The following PALM2AKAP2 variants were observed in gnomAD, a reference collection of about 807,000 sequenced individuals.
The protein encoded by PALM2AKAP2 is PALM2 and AKAP2 fusion.
In PALM2AKAP2, 37 loss-of-function variants were observed where a neutral mutation model predicts 71.5. That is an observed-to-expected ratio of 0.52 (90% confidence interval 0.40 to 0.68). The LOEUF is 0.68. Among genes scored for constraint, PALM2AKAP2 ranks in the 30% least tolerant of loss-of-function variants. The pLI is 0.00. For missense variants in PALM2AKAP2, 1,224 were observed against 1,191.8 expected (o/e 1.03, Z -0.40); for synonymous variants, 468 against 478.8 (o/e 0.98, Z 0.29).
At chr9:109,694,162 C>G (rs1827935850) in intron 1 of PALM2AKAP2, among the ~76,000 whole-genome samples, 1 of 152,070 alleles carries the variant, frequency 6.6e-6, no homozygotes, top group Middle Eastern at 3.4e-3. Flanking sequence ...GAACTTTTCT[C>G]AAAACATCAA....
intron 1 of PALM2AKAP2, among the ~76,000 whole-genome samples, chr9:109,800,914 C>T (rs561403858): frequency 1.3e-5 from 2 of 152,208 alleles, no homozygotes; most frequent in Non-Finnish European, 2.9e-5. Flanking sequence ...AGCCTTGATA[C>T]AGGCAACTGG....
intron 1 of PALM2AKAP2, among the ~76,000 whole-genome samples, chr9:109,667,908 C>T (rs1827513223): frequency 6.6e-6 from 1 of 150,422 alleles, no homozygotes. Context: ...TTGGGAATAC[C>T]TTTGAAAATG....
intron 1 of PALM2AKAP2, chr9:109,640,879 G>C: frequency 6.6e-7 from 1 of 1,515,926 alleles, no homozygotes; most frequent in Non-Finnish European, 8.8e-7. Context: ...GAGTATCCCC[G>C]AGCCGCGCCG....
At position 109,869,651 on chromosome 9, in the gene PALM2AKAP2, T is replaced by TTCCA. The variant is rs59271161; in HGVS notation, c.126+2101_126+2104dup. On this transcript the variant is annotated intron_variant, in intron 2 of 9. Transcript: ENST00000302798. ...CGTCTATGCATCCATTCATCCATCT[T>TTCCA]TCCATCCATCCATCCATCCATCCAA... 4.6e-3 allele frequency among the ~76,000 whole-genome samples: 695 copies of TTCCA among 150,090 alleles called. 6 individuals are homozygous for TTCCA. Among genetic ancestry groups the TTCCA allele is most frequent in the African/African-American group, 0.016 (637 of 40,590 alleles).
Position 109,700,445 on chromosome 9 carries a change from C to T in PALM2AKAP2, c.5+59579C>T, listed in dbSNP as rs564771202. 1.3e-5 allele frequency among the ~76,000 whole-genome samples: 2 copies of T among 152,322 alleles called. 1 individual carries two copies. The highest frequency in any genetic ancestry group is 3.9e-4 in the East Asian group (2 of 5,194). On this transcript the variant is annotated intron_variant, in intron 1 of 6. Transcript: ENST00000374531. ...CATGTGGAACTGTGAGTCCGTTAAACATCTTTCCTTTATAAATTACCCAGT... is the reference window on the plus strand; with the variant it reads ...CATGTGGAACTGTGAGTCCGTTAAATATCTTTCCTTTATAAATTACCCAGT...
rs554818527 is a variant in PALM2AKAP2 at position 110,022,760 on chromosome 9, G to C, written c.582+6721G>C. Among the ~76,000 whole-genome samples the C allele has an allele frequency of 4.6e-5, 7 of 151,488 alleles. No homozygotes were observed. The South Asian group carries it at 1.3e-3, about 27-fold the overall frequency. ...CACCCCACAACAGTCCCCGGAGTGT[G>C]ATGTTCCCCTTCCTGTGTCCATGTG... On this transcript the variant is annotated intron_variant, in intron 7 of 9. Coordinates refer to the PALM2AKAP2 transcript ENST00000302798.
intron 3 of PALM2AKAP2, among the ~76,000 whole-genome samples, chr9:109,886,470 A>G (rs1829969946): frequency 6.6e-6 from 1 of 152,222 alleles, no homozygotes; most frequent in South Asian, 2.1e-4. Flanking sequence ...AGTGAGAAAT[A>G]TGGGGAAAAT....
chr9:109,983,678 A>G (rs531633853), intron 6 of PALM2AKAP2, among the ~76,000 whole-genome samples: 53 of 152,272 alleles, frequency 3.5e-4, no homozygotes, highest in Non-Finnish European at 3.4e-4. Flanking sequence ...CAGCCTGACC[A>G]ACATGGCAAA....
chr9:109,991,223 C>T (rs1437661630), intron 6 of PALM2AKAP2, among the ~76,000 whole-genome samples: 3 of 106,452 alleles, frequency 2.8e-5, no homozygotes, highest in Non-Finnish European at 5.6e-5. Context: ...TAGCCTTAAC[C>T]ATCATCACAT....
intron 1 of PALM2AKAP2, among the ~76,000 whole-genome samples, chr9:109,644,659 G>A (rs937356898): frequency 6.6e-6 from 1 of 152,110 alleles, no homozygotes; most frequent in African/African-American, 2.4e-5. Flanking sequence ...AAAACCGAAT[G>A]CCTTTAACAG....
At chr9:110,016,158 CT>C in intron 7 of PALM2AKAP2, 119 bp downstream of exon 7, 1 of 1,005,106 alleles carries the variant, frequency 9.9e-7, no homozygotes, top group Non-Finnish European at 1.5e-6. Flanking sequence ...AGTTCTCTCT[CT>C]ACTCACTGAG....
chr9:110,113,568 G>A (rs1219082822), intron 1 of PALM2AKAP2, among the ~76,000 whole-genome samples: 2 of 151,550 alleles, frequency 1.3e-5, no homozygotes, highest in Admixed American at 6.6e-5. Context: ...TTGTTGCCCA[G>A]GCTGGAGTGT....
At chr9:109,868,918 C>T (rs1829531211) in intron 2 of PALM2AKAP2, among the ~76,000 whole-genome samples, 1 of 152,172 alleles carries the variant, frequency 6.6e-6, no homozygotes, top group South Asian at 2.1e-4. Context: ...AGAGAGGGGG[C>T]CTTAAAAACA....
intron 1 of PALM2AKAP2, among the ~76,000 whole-genome samples, chr9:109,752,286 A>G (rs943828960): frequency 3.3e-5 from 5 of 152,142 alleles, no homozygotes; most frequent in African/African-American, 1.2e-4. Context: ...GCCTGAAGTG[A>G]CCATGAGTAG....
At chr9:110,067,777 T>C (rs571433630) in intron 1 of PALM2AKAP2, among the ~76,000 whole-genome samples, 1 of 152,356 alleles carries the variant, frequency 6.6e-6, no homozygotes, top group Admixed American at 6.5e-5. Flanking sequence ...TTTGGTGTTG[T>C]CTTTCTAATG....
intron 3 of PALM2AKAP2, among the ~76,000 whole-genome samples, chr9:110,162,882 T>C (rs1836636920): frequency 1.3e-5 from 2 of 152,070 alleles, no homozygotes; most frequent in African/African-American, 4.8e-5. Flanking sequence ...TATTTTTTTA[T>C]ATTTTTTTTG....
intron 2 of PALM2AKAP2, among the ~76,000 whole-genome samples, chr9:110,150,585 C>T (rs966786714): frequency 6.6e-6 from 1 of 152,198 alleles, no homozygotes; most frequent in Non-Finnish European, 1.5e-5. Flanking sequence ...TAAACTTAAT[C>T]ACAACTGCAA....
chr9:109,889,460 T>G (rs944510030), intron 3 of PALM2AKAP2, among the ~76,000 whole-genome samples: 2 of 152,214 alleles, frequency 1.3e-5, no homozygotes, highest in East Asian at 3.8e-4. Context: ...ACAACTCTAA[T>G]TATTACAGAG....
At chr9:109,897,942 G>A (rs565722185) in intron 3 of PALM2AKAP2, among the ~76,000 whole-genome samples, 2 of 152,104 alleles carry the variant, frequency 1.3e-5, no homozygotes, top group Non-Finnish European at 2.9e-5. Context: ...CCCATTTACT[G>A]TTTGGATTAA....
Sources: allele counts gnomAD v4.1 joint callset (sites outside exome capture counted in the v4.1 genomes callset), GRCh38; gene constraint gnomAD v4.1.1; transcripts MANE v1.5; gene names NCBI Gene and HGNC (gene_info 2026-07-23, HGNC 2026-07-21).